The following ART3 variants were observed in gnomAD, a reference collection of about 807,000 sequenced individuals.
ART3 encodes ecto-ADP-ribosyltransferase 3.
ART3 carries 49 observed loss-of-function variants against 48.5 expected under a neutral mutation model. That is an observed-to-expected ratio of 1.01 (90% confidence interval 0.80 to 1.28). ART3 has a LOEUF of 1.28. Among genes scored for constraint, ART3 ranks in the 50% most tolerant of loss-of-function variants. The pLI is 0.00. For missense variants in ART3, 438 were observed against 454.3 expected (o/e 0.96, Z 0.33); for synonymous variants, 145 against 157.2 (o/e 0.92, Z 0.58).
chr4:76,018,557 C>A (rs540700966), intron 1 of ART3, among the ~76,000 whole-genome samples: 2 of 152,148 alleles, frequency 1.3e-5, no homozygotes, highest in African/African-American at 4.8e-5. Flanking sequence ...ACCCATGTAA[C>A]AAACCTGCAT....
intron 1 of ART3, chr4:76,021,807 T>A: frequency 1.1e-6 from 1 of 952,318 alleles, no homozygotes. Flanking sequence ...CACCTTTTAG[T>A]GTAACTGCAA....
chr4:76,105,228 C>T (rs1193582458), intron 10 of ART3, among the ~76,000 whole-genome samples: 1 of 152,170 alleles, frequency 6.6e-6, no homozygotes, highest in Non-Finnish European at 1.5e-5. Context: ...TGGGGTCTTG[C>T]TCATCTGGCT....
chr4:76,077,586 A>T (rs879455085), intron 2 of ART3, among the ~76,000 whole-genome samples: 6 of 152,238 alleles, frequency 3.9e-5, no homozygotes, highest in Non-Finnish European at 7.3e-5. Context: ...GTTATTTGGT[A>T]GCATTACAGA....
intron 6 of ART3, among the ~76,000 whole-genome samples, 165 bp from the exon 7 acceptor site, chr4:76,100,630 A>G (rs1050245701): frequency 2.2e-5 from 2 of 89,798 alleles, no homozygotes; most frequent in African/African-American, 8.4e-5. Context: ...GCTCCGTCTC[A>G]AAAAAAAAAA....
At chr4:76,071,025 A>T (rs948370845), upstream of ART3, among the ~76,000 whole-genome samples, 8 of 151,986 alleles carry the variant, frequency 5.3e-5, no homozygotes, top group Admixed American at 1.3e-4. Flanking sequence ...CTACTAGATC[A>T]TATCCAACAT....
chr4:76,099,989 C>T (rs1360086548), intron 5 of ART3, among the ~76,000 whole-genome samples: 2 of 152,188 alleles, frequency 1.3e-5, no homozygotes, highest in African/African-American at 4.8e-5. Context: ...TTCTACTGAT[C>T]ACTTCCCAGG....
chr4:76,100,390 T>C, intron 6 of ART3, 70 bp downstream of exon 6: 1 of 1,494,338 alleles, frequency 6.7e-7, no homozygotes, highest in Admixed American at 1.7e-5. Flanking sequence ...CCCAGCACTT[T>C]GGGAGGCCGA....
chr4:76,107,890 G>A, intron 11 of ART3, 97 bp downstream of exon 11: 1 of 1,072,802 alleles, frequency 9.3e-7, no homozygotes, highest in Non-Finnish European at 1.3e-6. Context: ...GAACAAAGTT[G>A]CAAGGTTTTA....
At chr4:76,056,318 G>T (rs1418049915) in intron 1 of ART3, among the ~76,000 whole-genome samples, 1 of 152,124 alleles carries the variant, frequency 6.6e-6, no homozygotes, top group East Asian at 1.9e-4. Context: ...AGCTTCTAAG[G>T]GTTAAACTAG....
At chr4:76,032,793 C>T (rs1341071274) in intron 1 of ART3, among the ~76,000 whole-genome samples, 1 of 151,890 alleles carries the variant, frequency 6.6e-6, no homozygotes, top group East Asian at 1.9e-4. Flanking sequence ...ACCATGTTAG[C>T]CATGCTGGTC....
chr4:76,036,405 C>T (rs6825045), intron 1 of ART3, among the ~76,000 whole-genome samples: 92,970 of 151,956 alleles, frequency 0.61, 29,502 homozygotes, highest in East Asian at 0.94. Flanking sequence ...TTCACCCACC[C>T]TTCATCCTTC....
intron 1 of ART3, among the ~76,000 whole-genome samples, chr4:76,054,438 A>G (rs1044350106): frequency 2.6e-5 from 4 of 151,960 alleles, no homozygotes; most frequent in Admixed American, 2.6e-4. Flanking sequence ...TATAAAAAAA[A>G]TAGGACAGGA....
chr4:76,070,555 T>C (rs548010478), upstream of ART3, among the ~76,000 whole-genome samples: 1 of 152,212 alleles, frequency 6.6e-6, no homozygotes, highest in Non-Finnish European at 1.5e-5. Flanking sequence ...AAAGCTACAG[T>C]CTTTATTCAA....
intron 1 of ART3, among the ~76,000 whole-genome samples, chr4:76,054,020 G>A (rs1489389069): frequency 2.0e-5 from 3 of 152,208 alleles, no homozygotes; most frequent in Admixed American, 6.5e-5. Context: ...GGATAGAAAC[G>A]TGAGAGATTA....
At position 76,078,642 on chromosome 4, in the gene ART3, A is replaced by G. The variant is rs576556849; in HGVS notation, c.69+2684A>G. ...CTGGCACAATTCCCTCGTTTGTAAA[A>G]TGGTGTTAACTATTTTTTGTTAACC... On this transcript the variant is annotated intron_variant, in intron 2 of 11. Coordinates refer to ENST00000355810, the MANE Select transcript of ART3 (RefSeq NM_001130016.3). 5.2e-4 allele frequency among the ~76,000 whole-genome samples: 52 copies of G among 100,714 alleles called. No individual in the cohort carries two copies. In the South Asian group the frequency reaches 0.019, roughly 37 times the overall value. 66.1% of individuals were successfully genotyped at this position (100,714 alleles called of 152,430 possible).
At chr4:76,025,654 G>A (rs540749687) in intron 1 of ART3, among the ~76,000 whole-genome samples, 21 of 152,172 alleles carry the variant, frequency 1.4e-4, no homozygotes, top group African/African-American at 5.1e-4. Flanking sequence ...AACCACTTGA[G>A]TATATACTCT....
intron 8 of ART3, 55 bp downstream of exon 8, chr4:76,101,074 A>G: frequency 6.3e-7 from 1 of 1,588,732 alleles, no homozygotes; most frequent in Middle Eastern, 1.7e-4. Context: ...ATCTCCCTTT[A>G]CATGTGGGAA....
At chr4:76,042,094 C>T (rs1475235928) in intron 1 of ART3, among the ~76,000 whole-genome samples, 1 of 152,174 alleles carries the variant, frequency 6.6e-6, no homozygotes, top group Non-Finnish European at 1.5e-5. Context: ...ATGATGGAAT[C>T]TAGTTTCCAT....
At chr4:76,048,710 T>G (rs958942678) in intron 1 of ART3, among the ~76,000 whole-genome samples, 18 of 151,952 alleles carry the variant, frequency 1.2e-4, no homozygotes, top group African/African-American at 4.3e-4. Context: ...CATGGAGGAC[T>G]GAGGAAGGTC....
Sources: gnomAD v4.1 joint callset for allele counts (sites outside exome capture counted in the v4.1 genomes callset) on GRCh38, gnomAD v4.1.1 for gene constraint, MANE v1.5 for transcripts, NCBI Gene and HGNC (gene_info 2026-07-23, HGNC 2026-07-21) for gene names.